FRMD4A: variants seen among roughly 807,000 people sequenced by gnomAD.
FRMD4A encodes FERM domain-containing protein 4A.
In FRMD4A, 29 loss-of-function variants were observed where a neutral mutation model predicts 129.1. That is an observed-to-expected ratio of 0.22 (90% confidence interval 0.17 to 0.31). The LOEUF is 0.31. FRMD4A is among the 10% of genes least tolerant of loss of function. The pLI is 1.00. For missense variants in FRMD4A, 1,272 were observed against 1,375.8 expected (o/e 0.92, Z 1.19); for synonymous variants, 634 against 571.6 (o/e 1.11, Z -1.56).
intron 2 of FRMD4A, among the ~76,000 whole-genome samples, chr10:14,167,034 G>C (rs964763928): frequency 2.0e-5 from 3 of 152,138 alleles, no homozygotes; most frequent in Non-Finnish European, 2.9e-5. Flanking sequence ...CACATCAACA[G>C]GGTGATGATA....
chr10:14,055,866 T>C (rs754346753), intron 2 of FRMD4A, among the ~76,000 whole-genome samples: 1 of 152,226 alleles, frequency 6.6e-6, no homozygotes, highest in Non-Finnish European at 1.5e-5. Context: ...TATTTTAACA[T>C]GTACAATGAA....
chr10:13,945,164 G>A (rs1254033403), intron 2 of FRMD4A, among the ~76,000 whole-genome samples: 1 of 152,200 alleles, frequency 6.6e-6, no homozygotes, highest in Non-Finnish European at 1.5e-5. Context: ...AAGAAGTTGA[G>A]TGAATGAACA....
intron 2 of FRMD4A, among the ~76,000 whole-genome samples, chr10:14,010,233 T>G (rs1271844027): frequency 6.6e-6 from 1 of 152,190 alleles, no homozygotes; most frequent in Non-Finnish European, 1.5e-5. Flanking sequence ...TGCAACTTCC[T>G]GTTTCCCAGG....
Position 14,013,225 on chromosome 10 carries a change from C to A in FRMD4A, c.46-154313G>T, listed in dbSNP as rs147120360. Among the ~76,000 whole-genome samples the A allele has an allele frequency of 5.1e-3, 776 of 152,300 alleles. 12 individuals carry two copies. Among genetic ancestry groups the A allele is most frequent in the African/African-American group, 0.018 (737 of 41,556 alleles). The stretch of plus-strand genomic sequence containing the variant: ...CTGACATTGTAAATATCTGTCCTAA[C>A]CTCCATCTTGAGCCATACTTCCTTG... On this transcript the variant is annotated intron_variant, in intron 2 of 24. Coordinates refer to ENST00000357447, the MANE Select transcript of FRMD4A (RefSeq NM_018027.5).
At chr10:14,028,751 G>C (rs1833096944) in intron 2 of FRMD4A, among the ~76,000 whole-genome samples, 1 of 152,134 alleles carries the variant, frequency 6.6e-6, no homozygotes. Flanking sequence ...GAGAATGAGG[G>C]AGGTATGTAG....
chr10:14,286,659 C>T (rs1304228424), intron 2 of FRMD4A, among the ~76,000 whole-genome samples: 1 of 152,124 alleles, frequency 6.6e-6, no homozygotes, highest in Non-Finnish European at 1.5e-5. Flanking sequence ...TCTCCAATGC[C>T]AGAAGTCACT....
intron 18 of FRMD4A, among the ~76,000 whole-genome samples, 174 bp downstream of exon 18, chr10:13,665,923 G>A (rs576141674): frequency 3.3e-5 from 5 of 152,334 alleles, no homozygotes; most frequent in Admixed American, 3.3e-4. Flanking sequence ...AGTCCACTTG[G>A]TTTCTCTCAT....
intron 2 of FRMD4A, among the ~76,000 whole-genome samples, chr10:13,933,742 T>C (rs184489656): frequency 1.9e-4 from 29 of 152,320 alleles, no homozygotes; most frequent in Non-Finnish European, 4.0e-4. Flanking sequence ...CAATGTCTGT[T>C]GCCTCTCTCC....
intron 2 of FRMD4A, among the ~76,000 whole-genome samples, chr10:14,243,481 T>C (rs1006907910): frequency 6.6e-6 from 1 of 152,176 alleles, no homozygotes; most frequent in Non-Finnish European, 1.5e-5. Flanking sequence ...CCTCTTTTTT[T>C]AAATAAATTA....
chr10:14,071,946 C>T (rs1380671363), intron 2 of FRMD4A, among the ~76,000 whole-genome samples: 2 of 152,174 alleles, frequency 1.3e-5, no homozygotes, highest in Non-Finnish European at 2.9e-5. Context: ...GGCTGCTTCT[C>T]TTAATTCTGT....
rs748357723 is a variant in FRMD4A, at chr10:13,858,916, A to C, written c.46-4T>G. 1 of 1,573,620 alleles carries C rather than the reference A, an allele frequency of 6.4e-7. No homozygotes were observed. Among genetic ancestry groups the C allele is most frequent in the African/African-American group, 1.3e-5 (1 of 74,146 alleles). On this transcript the variant is annotated splice_region_variant and splice_polypyrimidine_tract_variant and intron_variant, in intron 2 of 24. Coordinates refer to ENST00000357447, the MANE Select transcript of FRMD4A (RefSeq NM_018027.5). Reference sequence around the variant, plus strand: ...GACATCGGCGGCCCTCCGTCATCTAAGAGGGAAGAGAAATGGTAGTCACTG... The same window carrying C: ...GACATCGGCGGCCCTCCGTCATCTACGAGGGAAGAGAAATGGTAGTCACTG...
intron 2 of FRMD4A, among the ~76,000 whole-genome samples, chr10:14,262,405 G>T (rs1389027231): frequency 6.6e-6 from 1 of 152,166 alleles, no homozygotes; most frequent in East Asian, 1.9e-4. Context: ...TTGGCAAAGG[G>T]TAAATTCTTG....
At chr10:13,883,750 T>A (rs2094573111) in intron 2 of FRMD4A, among the ~76,000 whole-genome samples, 1 of 152,150 alleles carries the variant, frequency 6.6e-6, no homozygotes, top group South Asian at 2.1e-4. Flanking sequence ...AATTTCTCCA[T>A]CAAATGACAG....
intron 2 of FRMD4A, among the ~76,000 whole-genome samples, chr10:14,141,558 C>T (rs1589063039): frequency 7.0e-6 from 1 of 143,312 alleles, no homozygotes; most frequent in South Asian, 2.4e-4. Flanking sequence ...ATTGCTCCAC[C>T]TTCTGCCCCT....
In FRMD4A at chr10:13,645,445, C is replaced by T. The variant is rs185077393; in HGVS notation, c.*1593G>A. Reference sequence around the variant, plus strand: ...TTTTGTGCCATCTTGAATAACCCAACTAAAGTCGTGCACTTGTTACTATAA... The same window carrying T: ...TTTTGTGCCATCTTGAATAACCCAATTAAAGTCGTGCACTTGTTACTATAA... On this transcript the variant is annotated 3_prime_UTR_variant, in exon 25 of 25. Coordinates refer to ENST00000357447, the MANE Select transcript of FRMD4A (RefSeq NM_018027.5). The T allele has an allele frequency of 1.1e-4, 17 of 150,686 alleles. No homozygotes were observed. Among genetic ancestry groups the T allele is most frequent in the African/African-American group, 3.9e-4 (16 of 40,894 alleles). 9.3% of individuals were successfully genotyped at this position (150,686 alleles called of 1,614,324 possible). A position where few individuals can be genotyped will look rare whatever the true frequency, so the allele number is the denominator to read the frequency against.
At position 14,269,566 on chromosome 10, in the gene FRMD4A, G is replaced by A. The variant is rs574754964; in HGVS notation, c.45+60492C>T. ...ATCTCTCTGACCCTACTCCATTATCGCATCTCTTTCTCTGACCCCAACAGA... is the reference window on the plus strand; with the variant it reads ...ATCTCTCTGACCCTACTCCATTATCACATCTCTTTCTCTGACCCCAACAGA... On this transcript the variant is annotated intron_variant, in intron 2 of 24. Coordinates refer to ENST00000357447, the MANE Select transcript of FRMD4A (RefSeq NM_018027.5). Among the ~76,000 whole-genome samples the A allele has an allele frequency of 3.3e-5, 5 of 152,026 alleles. No individual in the cohort carries two copies. In the South Asian group the frequency reaches 8.3e-4, roughly 25 times the overall value.
At chr10:13,651,045 G>A (rs1297144634) in intron 24 of FRMD4A, 1 of 152,246 alleles carries the variant, frequency 6.6e-6, no homozygotes, top group Non-Finnish European at 1.5e-5. Context: ...GTCCCAGTTA[G>A]ACTGTAAGGG....
rs201227888 is a variant in FRMD4A, at chr10:14,170,852, CT to C, written c.45+159205del. Among the ~76,000 whole-genome samples, 1,036 of 152,112 alleles carry C rather than the reference CT, an allele frequency of 6.8e-3. 15 individuals carry two copies. Among genetic ancestry groups the C allele is most frequent in the African/African-American group, 0.023 (958 of 41,484 alleles). On this transcript the variant is annotated intron_variant, in intron 2 of 24. Coordinates refer to ENST00000357447, the MANE Select transcript of FRMD4A (RefSeq NM_018027.5). The stretch of plus-strand genomic sequence containing the variant: ...TCCTCTCCTCTCCTCTTTTCTTCCC[CT>C]CCCTTCCTCTCCACCTTCTTTTGAT...
At chr10:13,681,484 C>CATA (rs3031942) in intron 15 of FRMD4A, among the ~76,000 whole-genome samples, 113,689 of 151,708 alleles carry the variant, frequency 0.75, 44,016 homozygotes, top group African/African-American at 0.91. Context: ...GTTGTCCAAA[C>CATA]ATGAGTTGGT....
Sources: allele counts gnomAD v4.1 joint callset (sites outside exome capture counted in the v4.1 genomes callset), GRCh38; gene constraint gnomAD v4.1.1; transcripts MANE v1.5; gene names NCBI Gene and HGNC (gene_info 2026-07-23, HGNC 2026-07-21).